CPSF2: variants seen among roughly 807,000 people sequenced by gnomAD.
The protein encoded by CPSF2 is cleavage and polyadenylation specificity factor subunit 2.
In CPSF2, 51 loss-of-function variants were observed where a neutral mutation model predicts 84.2. The observed-to-expected ratio is 0.61, with a 90% confidence interval of 0.48 to 0.77. CPSF2 has a LOEUF of 0.77. Among genes scored for constraint, CPSF2 ranks in the 30% least tolerant of loss-of-function variants. The pLI is 0.00. For missense variants in CPSF2, 641 were observed against 929.4 expected (o/e 0.69, Z 4.03); for synonymous variants, 286 against 311.9 (o/e 0.92, Z 0.87).
chr14:92,138,357 CT>C lies in CPSF2; in HGVS notation c.661+13del. The C allele has an allele frequency of 1.6e-6, 2 of 1,260,214 alleles. No individual in the cohort carries two copies. Among genetic ancestry groups the C allele is most frequent in the Non-Finnish European group, 2.2e-6 (2 of 896,386 alleles). 78.1% of individuals were successfully genotyped at this position (1,260,214 alleles called of 1,614,324 possible). Reference sequence around the variant, plus strand: ...GATGAGCAGCTTCTGAGTACGTATTCTTTCACGTCCTTATTATTATTATTAT... The same window carrying C: ...GATGAGCAGCTTCTGAGTACGTATTCTTCACGTCCTTATTATTATTATTAT... On this transcript the variant is annotated intron_variant, in intron 7 of 15. Transcript: ENST00000298875.
At chr14:92,146,613 C>T (rs2069147829) in intron 9 of CPSF2, among the ~76,000 whole-genome samples, 2 of 152,216 alleles carry the variant, frequency 1.3e-5, no homozygotes, top group Non-Finnish European at 2.9e-5. Context: ...TGTTGTATGA[C>T]AGATCTCTAA....
At position 92,165,682 on chromosome 14, in the gene CPSF2, T is replaced by A. The variant is rs1466226814; in HGVS notation, c.*3938T>A. ...TACTGTTGAGATGTAAGAGTTTTTT[T>A]ATATATTTTCTGGATACTAAACCAT... On this transcript the variant is annotated 3_prime_UTR_variant, in exon 16 of 16. Coordinates refer to ENST00000298875, the MANE Select transcript of CPSF2 (RefSeq NM_017437.3). 6 of 152,058 alleles carry A rather than the reference T, an allele frequency of 3.9e-5. No homozygotes were observed. The highest frequency in any genetic ancestry group is 1.9e-4 in the East Asian group (1 of 5,196). The allele number at this position is 152,058 out of a possible 1,614,324, so 9.4% of individuals were successfully genotyped here.
intron 2 of CPSF2, among the ~76,000 whole-genome samples, chr14:92,128,007 A>G (rs962871070): frequency 1.3e-5 from 2 of 152,216 alleles, no homozygotes; most frequent in African/African-American, 2.4e-5. Context: ...AAGTCAACCT[A>G]CTAAGAAAAG....
intron 9 of CPSF2, among the ~76,000 whole-genome samples, chr14:92,150,105 G>C (rs2069193496): frequency 6.7e-6 from 1 of 149,244 alleles, no homozygotes; most frequent in Non-Finnish European, 1.5e-5. Flanking sequence ...TTTTTTCTGG[G>C]AACACCTTTT....
intron 13 of CPSF2, 22 bp from the exon 14 acceptor site, chr14:92,158,961 T>TC: frequency 1.9e-6 from 3 of 1,571,810 alleles, no homozygotes; most frequent in Non-Finnish European, 2.6e-6. Flanking sequence ...TTTATTTCTC[T>TC]CCCCCTCCTT....
chr14:92,136,644 A>G (rs1252336890), intron 6 of CPSF2, among the ~76,000 whole-genome samples: 2 of 152,222 alleles, frequency 1.3e-5, no homozygotes, highest in Non-Finnish European at 2.9e-5. Context: ...CCCTTTGCTC[A>G]CTAGAAGCAG....
intron 3 of CPSF2, among the ~76,000 whole-genome samples, chr14:92,132,947 C>T (rs1322693810): frequency 6.6e-6 from 1 of 151,610 alleles, no homozygotes. Flanking sequence ...AAAAATTAGC[C>T]AGGTGTGGTG....
At chr14:92,150,411 C>T (rs1427510014) in intron 9 of CPSF2, among the ~76,000 whole-genome samples, 6 of 151,596 alleles carry the variant, frequency 4.0e-5, no homozygotes, top group African/African-American at 7.3e-5. Context: ...CGCGAGTCAC[C>T]GCACCAGGCC....
chr14:92,155,103 C>G lies in CPSF2; in HGVS notation c.1242-20C>G, dbSNP rs968263296. ...ATCTTTGAAACTTTATGACCTTGATCTATTCTAAAATCCTCCTAGGGCAGA... is the reference window on the plus strand; with the variant it reads ...ATCTTTGAAACTTTATGACCTTGATGTATTCTAAAATCCTCCTAGGGCAGA... On this transcript the variant is annotated intron_variant, in intron 10 of 15. Coordinates refer to ENST00000298875, the MANE Select transcript of CPSF2 (RefSeq NM_017437.3). The G allele has an allele frequency of 6.5e-6, 10 of 1,528,324 alleles. No individual in the cohort carries two copies. The highest frequency in any genetic ancestry group is 9.1e-6 in the Non-Finnish European group (10 of 1,103,656). 94.7% of individuals were successfully genotyped at this position (1,528,324 alleles called of 1,614,324 possible). A position where few individuals can be genotyped will look rare whatever the true frequency, so the allele number is the denominator to read the frequency against.
Position 92,135,567 on chromosome 14 carries a change from A to T in CPSF2, c.545+71A>T, listed in dbSNP as rs561075269. ...TTTTATTCTTTGGAGAAAAAATAAGAAACACAGTTTTTGTTTTGGTTACCA... is the reference window on the plus strand; with the variant it reads ...TTTTATTCTTTGGAGAAAAAATAAGTAACACAGTTTTTGTTTTGGTTACCA... On this transcript the variant is annotated intron_variant, in intron 6 of 15. Coordinates refer to ENST00000298875, the MANE Select transcript of CPSF2 (RefSeq NM_017437.3). 4 of 1,476,438 alleles carry T rather than the reference A, an allele frequency of 2.7e-6. No individual in the cohort carries two copies. The South Asian group carries it at 5.5e-5, about 20-fold the overall frequency. 91.5% of individuals were successfully genotyped at this position (1,476,438 alleles called of 1,614,324 possible).
At chr14:92,155,410 C>T (rs1156863341) in intron 11 of CPSF2, 87 bp downstream of exon 11, 2 of 1,098,518 alleles carry the variant, frequency 1.8e-6, no homozygotes, top group Admixed American at 1.9e-5. Flanking sequence ...TGATCTTTCA[C>T]TTGATCTTTC....
chr14:92,161,737 T>G lies in CPSF2; in HGVS notation c.2342T>G (p.Ile781Ser). ...GACCTTTTATATGAACAATATGCCA[T>G]TGTATAAAGGACATGATGTCAAGAA... ...IRDLLYEQYA[I>S]V The change falls in exon 16 of 16, where the codon ATT (isoleucine) becomes AGT (serine). Residue 781 changes from isoleucine to serine, a missense_variant. By Grantham distance (142) the Ile-to-Ser change is moderately radical. This residue lies in a region of CPSF2 where 430 missense variants were observed against 553.6 expected (regional missense o/e 0.78). Transcript: ENST00000298875. 6.4e-7 allele frequency: 1 copy of G among 1,557,688 alleles called. No individual in the cohort carries two copies. The highest frequency in any genetic ancestry group is 8.7e-7 in the Non-Finnish European group (1 of 1,145,218).
chr14:92,163,739 G>A lies in CPSF2; in HGVS notation c.*1995G>A, dbSNP rs901029186. On this transcript the variant is annotated 3_prime_UTR_variant, in exon 16 of 16. Transcript: ENST00000298875. ...GGTGTTTTTTTTTGTTTTGTTTTTT[G>A]TTTTTTGAGATGGAGTTTTGCTCTT... 6.6e-6 allele frequency: 1 copy of A among 151,902 alleles called. No individual in the cohort carries two copies. Among genetic ancestry groups the A allele is most frequent in the Non-Finnish European group, 1.5e-5 (1 of 68,104 alleles). The allele number at this position is 151,902 out of a possible 1,614,324, so 9.4% of individuals were successfully genotyped here.
intron 14 of CPSF2, among the ~76,000 whole-genome samples, 161 bp from the exon 15 acceptor site, chr14:92,160,951 C>T (rs2069363749): frequency 6.6e-6 from 1 of 152,166 alleles, no homozygotes; most frequent in South Asian, 2.1e-4. Flanking sequence ...TTTAGAATAA[C>T]AACTTGGAAT....
At chr14:92,158,690 C>T (rs1285727950) in intron 13 of CPSF2, among the ~76,000 whole-genome samples, 1 of 152,162 alleles carries the variant, frequency 6.6e-6, no homozygotes, top group Non-Finnish European at 1.5e-5. Context: ...TGGTCTTAAT[C>T]TTACCAGTTA....
intron 2 of CPSF2, among the ~76,000 whole-genome samples, chr14:92,129,216 A>T (rs1295590635): frequency 6.6e-6 from 1 of 152,202 alleles, no homozygotes; most frequent in East Asian, 1.9e-4. Flanking sequence ...ATGAGGGAAC[A>T]GCCAGGTACC....
At chr14:92,133,280 G>A (rs2068957392) in intron 3 of CPSF2, among the ~76,000 whole-genome samples, 2 of 151,826 alleles carry the variant, frequency 1.3e-5, no homozygotes, top group Non-Finnish European at 2.9e-5. Flanking sequence ...TAAGCTGGGA[G>A]TGGTGGCACA....
chr14:92,161,165 G>A lies in CPSF2; in HGVS notation c.2175G>A (p.Lys725=). 1.2e-6 allele frequency: 2 copies of A among 1,613,926 alleles called. No homozygotes were observed. The highest frequency in any genetic ancestry group is 1.7e-6 in the Non-Finnish European group (2 of 1,179,898). ...FMNEPRLSDF[K]QVLLREGIQA... ...ATGAACCAAGGCTGTCAGACTTCAAGCAAGTTCTCTTACGGGAGGGGATTC... is the reference window on the plus strand; with the variant it reads ...ATGAACCAAGGCTGTCAGACTTCAAACAAGTTCTCTTACGGGAGGGGATTC... Residue 725 remains lysine, a synonymous_variant, in exon 15 of 16, where the codon AAG becomes AAA. Transcript: ENST00000298875.
At chr14:92,153,521 C>G (rs2069247844) in intron 9 of CPSF2, among the ~76,000 whole-genome samples, 1 of 151,954 alleles carries the variant, frequency 6.6e-6, no homozygotes, top group African/African-American at 2.4e-5. Context: ...TCACCTACTC[C>G]AAATTATAAA....
Sources: allele counts gnomAD v4.1 joint callset (sites outside exome capture counted in the v4.1 genomes callset), GRCh38; gene constraint gnomAD v4.1.1; regional missense constraint gnomAD v4.1.1; transcripts MANE v1.5; gene names NCBI Gene and HGNC (gene_info 2026-07-23, HGNC 2026-07-21).